SH3KBP1: variants seen among roughly 807,000 people sequenced by gnomAD.
SH3KBP1 encodes the protein SH3 domain containing kinase binding protein 1.
A neutral mutation model predicts 50.1 loss-of-function variants in SH3KBP1; 8 were observed. That is an observed-to-expected ratio of 0.16 (90% CI 0.09 to 0.29). The LOEUF is 0.29. Among genes scored for constraint, SH3KBP1 ranks in the 10% least tolerant of loss-of-function variants. SH3KBP1 has a pLI of 1.00. For synonymous variants in SH3KBP1, 227 were observed against 218.6 expected (o/e 1.04, Z -0.34); for missense variants, 377 against 535.2 (o/e 0.70, Z 2.92).
At chrX:19,864,392 GT>G (rs1176817277) in intron 1 of SH3KBP1, among the ~76,000 whole-genome samples, 10 of 111,573 alleles carry the variant, frequency 9.0e-5, no homozygotes, top group African/African-American at 3.3e-4. Flanking sequence ...TGGAATTAAG[GT>G]TGCTCATCAG....
rs550611828 is a variant in SH3KBP1, at chrX:19,624,283, A to AT, written c.897+7580dup. On this transcript the variant is annotated intron_variant, in intron 8 of 17. Coordinates refer to ENST00000397821, the MANE Select transcript of SH3KBP1 (RefSeq NM_031892.3). ...CTCTAATTCCTTAAGATACCTACAGATTTTTTTTTTCTGTGTGTTGCAGAG... is the reference window on the plus strand; with the variant it reads ...CTCTAATTCCTTAAGATACCTACAGATTTTTTTTTTTCTGTGTGTTGCAGAG... 1.5e-3 allele frequency among the ~76,000 whole-genome samples: 163 copies of AT among 109,717 alleles called. 1 individual carries two copies. Among genetic ancestry groups the AT allele is most frequent in the African/African-American group, 5.1e-3 (155 of 30,210 alleles).
At chrX:19,600,939 C>A (rs191125611) in intron 9 of SH3KBP1, among the ~76,000 whole-genome samples, 1 of 111,970 alleles carries the variant, frequency 8.9e-6, no homozygotes, top group Non-Finnish European at 1.9e-5. Context: ...AAGGCTGTTT[C>A]AACAGCTAGT....
intron 12 of SH3KBP1, among the ~76,000 whole-genome samples, chrX:19,582,061 C>T (rs2066391875): frequency 9.0e-6 from 1 of 111,341 alleles, no homozygotes; most frequent in South Asian, 3.8e-4. Flanking sequence ...ATCCAACTGC[C>T]TATCTTCGAA....
intron 5 of SH3KBP1, among the ~76,000 whole-genome samples, chrX:19,689,264 C>T (rs914650547): frequency 1.8e-5 from 2 of 111,883 alleles, no homozygotes; most frequent in Admixed American, 9.5e-5. Flanking sequence ...AGTTTTTATT[C>T]GGGCAATTCT....
chrX:19,815,550 G>T (rs2067328170), intron 2 of SH3KBP1, among the ~76,000 whole-genome samples: 1 of 106,565 alleles, frequency 9.4e-6, no homozygotes, highest in Admixed American at 1.0e-4. Context: ...GTGTAGATTT[G>T]CACAAATCTA....
At chrX:19,789,573 G>A (rs949690434) in intron 2 of SH3KBP1, among the ~76,000 whole-genome samples, 1 of 108,525 alleles carries the variant, frequency 9.2e-6, no homozygotes. Flanking sequence ...GTGCGTCTGC[G>A]TCCCTGGTAT....
At chrX:19,836,633 G>A (rs1036563586) in intron 1 of SH3KBP1, among the ~76,000 whole-genome samples, 7 of 111,581 alleles carry the variant, frequency 6.3e-5, no homozygotes, top group Non-Finnish European at 1.3e-4. Context: ...AACAGATGTC[G>A]GTTTGACTTC....
intron 7 of SH3KBP1, among the ~76,000 whole-genome samples, chrX:19,635,980 AC>A (rs1290287009): frequency 2.7e-4 from 30 of 111,930 alleles, no homozygotes; most frequent in African/African-American, 9.1e-4. Flanking sequence ...GTATAATTCC[AC>A]ATCCTTTGGA....
At chrX:19,770,904 T>C (rs1214268507) in intron 2 of SH3KBP1, among the ~76,000 whole-genome samples, 3 of 111,854 alleles carry the variant, frequency 2.7e-5, no homozygotes, top group African/African-American at 9.8e-5. Flanking sequence ...TTCTTGTAAA[T>C]TTAAGTTCCT....
chrX:19,663,217 A>C (rs1452943534), intron 6 of SH3KBP1, among the ~76,000 whole-genome samples: 1 of 112,007 alleles, frequency 8.9e-6, no homozygotes, highest in East Asian at 2.8e-4. Flanking sequence ...AATGCAAAAG[A>C]AAACCCTCAT....
chrX:19,789,154 A>G (rs754211723), intron 2 of SH3KBP1, among the ~76,000 whole-genome samples: 22 of 111,998 alleles, frequency 2.0e-4, no homozygotes, highest in Admixed American at 6.6e-4. Flanking sequence ...AAATAAAGAA[A>G]GAAAAAGAAA....
intron 5 of SH3KBP1, among the ~76,000 whole-genome samples, chrX:19,686,241 T>A (rs913355329): frequency 8.9e-6 from 1 of 112,221 alleles, no homozygotes; most frequent in Non-Finnish European, 1.9e-5. Context: ...GGTAAAATAA[T>A]TCAAAATCTA....
chrX:19,821,225 T>C (rs978444983), intron 2 of SH3KBP1, among the ~76,000 whole-genome samples: 2 of 111,556 alleles, frequency 1.8e-5, no homozygotes, highest in African/African-American at 3.3e-5. Flanking sequence ...ACCCCGTCTC[T>C]ACTAAAAATA....
intron 9 of SH3KBP1, among the ~76,000 whole-genome samples, chrX:19,597,027 G>T (rs1374444522): frequency 9.0e-6 from 1 of 111,729 alleles, no homozygotes; most frequent in African/African-American, 3.3e-5. Context: ...ATCTAGAATG[G>T]TGAGCCCTTT....
chrX:19,784,900 C>T lies in SH3KBP1; in HGVS notation c.163-38459G>A, dbSNP rs754755071. 7.2e-5 allele frequency among the ~76,000 whole-genome samples: 8 copies of T among 111,579 alleles called. No individual in the cohort carries two copies. In the East Asian group the frequency reaches 1.1e-3, roughly 16 times the overall value. ...CTGGGATTACAGGTGTGAGCCACCG[C>T]GCCCAGCCTGGGATTTTCAGGTTTA... is the stretch of plus-strand genomic sequence containing the variant. On this transcript the variant is annotated intron_variant, in intron 2 of 17. Coordinates refer to ENST00000397821, the MANE Select transcript of SH3KBP1 (RefSeq NM_031892.3).
At chrX:19,815,468 C>T (rs1276085035) in intron 2 of SH3KBP1, among the ~76,000 whole-genome samples, 1 of 111,499 alleles carries the variant, frequency 9.0e-6, no homozygotes, top group African/African-American at 3.3e-5. Context: ...CTGTTCACTA[C>T]AGACCTTATT....
chrX:19,872,316 G>A (rs1420088776), intron 1 of SH3KBP1, among the ~76,000 whole-genome samples: 1 of 108,344 alleles, frequency 9.2e-6, no homozygotes, highest in Non-Finnish European at 1.9e-5. Context: ...CAAAAAGCGG[G>A]AGAGAAAACA....
intron 8 of SH3KBP1, among the ~76,000 whole-genome samples, chrX:19,611,740 C>A (rs769110080): frequency 1.9e-4 from 21 of 110,767 alleles, no homozygotes; most frequent in Non-Finnish European, 2.3e-4. Context: ...TTGGTGATGA[C>A]TGGCTTGGAT....
At chrX:19,537,673 A>T in intron 17 of SH3KBP1, 44 bp downstream of exon 17, 1 of 1,118,334 alleles carries the variant, frequency 8.9e-7, no homozygotes, top group African/African-American at 1.8e-5. Context: ...GTCCTGCCCC[A>T]CTGAGCCTAG....
Sources: allele counts gnomAD v4.1 joint callset (sites outside exome capture counted in the v4.1 genomes callset), GRCh38; gene constraint gnomAD v4.1.1; transcripts MANE v1.5; gene names NCBI Gene and HGNC (gene_info 2026-07-23, HGNC 2026-07-21).